EPHB4: variants seen among roughly 807,000 people sequenced by gnomAD.
EPHB4 encodes the protein ephrin type-B receptor 4.
Under a neutral mutation model 110.6 loss-of-function variants are expected in EPHB4, and 50 were observed. That is an observed-to-expected ratio of 0.45 (90% CI 0.36 to 0.57). The LOEUF is 0.57. EPHB4 is among the 20% of genes least tolerant of loss of function. EPHB4 has a pLI of 0.00. For missense variants in EPHB4, 1,128 were observed against 1,382.1 expected (o/e 0.82, Z 2.91); for synonymous variants, 592 against 578.4 (o/e 1.02, Z -0.34).
chr7:100,813,269 G>A (rs997380495), intron 10 of EPHB4, 61 bp from the exon 11 acceptor site: 28 of 1,364,770 alleles, frequency 2.1e-5, no homozygotes, highest in Non-Finnish European at 6.1e-6. Flanking sequence ...TCGGAGGCTC[G>A]GCTCATAGCT....
chr7:100,824,098 TG>T (rs1813312507), intron 2 of EPHB4, 104 bp downstream of exon 2: 3 of 1,556,900 alleles, frequency 1.9e-6, no homozygotes, highest in Admixed American at 1.7e-5. Flanking sequence ...TGCTGTCATC[TG>T]GGGGGACAGG....
Position 100,819,774 on chromosome 7 carries a change from G to A in EPHB4, c.1080C>T (p.Arg360=). The A allele has an allele frequency of 6.3e-7, 1 of 1,590,094 alleles. No individual in the cohort carries two copies. Among genetic ancestry groups the A allele is most frequent in the South Asian group, 1.1e-5 (1 of 88,826 alleles). Residue 360 remains arginine, a synonymous_variant, in exon 6 of 17, where the codon CGC becomes CGT. Transcript: ENST00000358173. ...AGCCTCCGGGTCGGCACTCCCGGCA[G>A]CGGAGGGCGTAGGTGAGGTCCTCTC... ...GGREDLTYAL[R]CRECRPGGSC... is the part of the protein sequence containing the mutation.
chr7:100,807,435 T>C lies in EPHB4; in HGVS notation c.2264A>G (p.Lys755Arg). 4 of 1,613,452 alleles carry C rather than the reference T, an allele frequency of 2.5e-6. No individual in the cohort carries two copies. The highest frequency in any genetic ancestry group is 3.4e-6 in the Non-Finnish European group (4 of 1,179,968). The change falls in exon 13 of 17, where the codon AAA (lysine) becomes AGA (arginine). Residue 755 changes from lysine to arginine, a missense_variant. By Grantham distance (26) the Lys-to-Arg change is conservative (BLOSUM62 2). Around this residue, in one of 3 missense-constraint regions of EPHB4, gnomAD observed 191 missense variants for 313.0 expected, o/e 0.61. Coordinates refer to ENST00000358173, the MANE Select transcript of EPHB4 (RefSeq NM_004444.5). ...NILVNSNLVC[K>R]VSDFGLSRFL... ...TCGGGAAAGGCCAAAGTCAGACACT[T>C]TGCAGACGAGGTTGCTGTTGACTAG...
intron 1 of EPHB4, 158 bp downstream of exon 1, chr7:100,826,821 C>G (rs1813410566): frequency 1.4e-6 from 1 of 720,872 alleles, no homozygotes; most frequent in Non-Finnish European, 2.1e-6. Flanking sequence ...GCCTCTTCCC[C>G]GCCCCCCTCC....
intron 13 of EPHB4, among the ~76,000 whole-genome samples, chr7:100,807,136 A>G (rs1812834319): frequency 2.6e-5 from 4 of 151,814 alleles, no homozygotes; most frequent in African/African-American, 9.7e-5. Flanking sequence ...CTAATCTTTT[A>G]ATTTTTTTGT....
chr7:100,818,675 G>A, intron 6 of EPHB4, 31 bp from the exon 7 acceptor site: 2 of 1,598,514 alleles, frequency 1.3e-6, no homozygotes, highest in Non-Finnish European at 1.7e-6. Context: ...GGGAACCCTT[G>A]TGCATGGTAG....
At chr7:100,826,806 C>T (rs1195309331) in intron 1 of EPHB4, 173 bp downstream of exon 1, 4 of 648,044 alleles carry the variant, frequency 6.2e-6, no homozygotes, top group Non-Finnish European at 7.5e-6. Flanking sequence ...CACTACCCGT[C>T]GGGCGCCTCT....
intron 16 of EPHB4, among the ~76,000 whole-genome samples, chr7:100,804,208 C>T (rs1012455912): frequency 6.7e-6 from 1 of 149,560 alleles, no homozygotes; most frequent in African/African-American, 2.5e-5. Context: ...GCTATTTTGG[C>T]CAGGCTGCTC....
chr7:100,819,101 CCT>C (rs943631433), intron 6 of EPHB4, among the ~76,000 whole-genome samples: 1 of 151,886 alleles, frequency 6.6e-6, no homozygotes, highest in Non-Finnish European at 1.5e-5. Context: ...AGCTCCTCAC[CCT>C]CTCTTTCTTA....
In EPHB4 at chr7:100,826,968, A is replaced by T; in HGVS notation, c.52+11T>A. The stretch of plus-strand genomic sequence containing the variant: ...GTGACGGGGTGCGCCCCCCCCCGCA[A>T]GGAAACTCACCTTCCAAAGCTGCGG... On this transcript the variant is annotated intron_variant, in intron 1 of 16. Coordinates refer to ENST00000358173, the MANE Select transcript of EPHB4 (RefSeq NM_004444.5). 1 of 1,521,364 alleles carries T rather than the reference A, an allele frequency of 6.6e-7. No individual in the cohort carries two copies. The highest frequency in any genetic ancestry group is 1.2e-5 in the South Asian group (1 of 83,902). The allele number at this position is 1,521,364 out of a possible 1,614,324, so 94.2% of individuals were successfully genotyped here.
chr7:100,826,256 T>G (rs897884256), intron 1 of EPHB4, among the ~76,000 whole-genome samples: 3 of 152,004 alleles, frequency 2.0e-5, no homozygotes, highest in Non-Finnish European at 4.4e-5. Flanking sequence ...GTTAGGGCGA[T>G]GTGGGGGCTG....
chr7:100,804,694 A>AC (rs1199771769), intron 16 of EPHB4, among the ~76,000 whole-genome samples: 1 of 152,080 alleles, frequency 6.6e-6, no homozygotes, highest in East Asian at 1.9e-4. Flanking sequence ...GAAGGCAGAA[A>AC]GGGGGAGTAG....
At chr7:100,805,369 G>C (rs371580054) in intron 15 of EPHB4, 48 bp from the exon 16 acceptor site, 2 of 1,608,558 alleles carry the variant, frequency 1.2e-6, no homozygotes, top group Non-Finnish European at 1.7e-6. Context: ...GCCCAGGTCC[G>C]GGGGAGGAGG....
chr7:100,816,162 T>C (rs1813062121), intron 8 of EPHB4, among the ~76,000 whole-genome samples: 1 of 147,092 alleles, frequency 6.8e-6, no homozygotes, highest in Admixed American at 6.7e-5. Flanking sequence ...TGAGACTCCG[T>C]CTCAAAAAAA....
intron 3 of EPHB4, 121 bp downstream of exon 3, chr7:100,823,523 C>T: frequency 7.6e-7 from 1 of 1,321,682 alleles, no homozygotes; most frequent in Non-Finnish European, 1.0e-6. Flanking sequence ...AAGCCTCCTG[C>T]TTCCAGCCCC....
rs1247801167 is a variant in EPHB4, at chr7:100,823,939, GAGA to G, written c.124-11_124-9del. ...GCCGCTCAGTTCCTCCCACTGTGCA[GAGA>G]AGGAGGTCAGCAAGGGGGCTGGGGA... On this transcript the variant is annotated splice_polypyrimidine_tract_variant and intron_variant, in intron 2 of 16. Transcript: ENST00000358173. The G allele has an allele frequency of 1.9e-6, 3 of 1,571,188 alleles. No homozygotes were observed. The highest frequency in any genetic ancestry group is 2.6e-6 in the Non-Finnish European group (3 of 1,156,794).
chr7:100,822,378 C>A lies in EPHB4; in HGVS notation c.701G>T (p.Ser234Ile). Residue 234 changes from serine to isoleucine, a missense_variant, in exon 4 of 17, where the codon AGC becomes ATC. Ser to Ile is a moderately radical substitution (Grantham distance 142). Around this residue, in one of 3 missense-constraint regions of EPHB4, gnomAD observed 728 missense variants for 828.6 expected, o/e 0.88. Transcript: ENST00000358173. The surrounding 1 kb of genome is among the most constrained non-coding windows in gnomAD (Gnocchi z 4.7). ...ATCCTCACGGCAGTAGAGGCTGGGG[C>A]TGGGGCCAGGGGCGGGGACGGCATC... Reference protein sequence around the residue: ...VVDAVPAPGPSPSLYCREDGQ... With the variant: ...VVDAVPAPGPIPSLYCREDGQ... 5.7e-6 allele frequency: 9 copies of A among 1,573,160 alleles called. No individual in the cohort carries two copies. The highest frequency in any genetic ancestry group is 7.8e-6 in the Non-Finnish European group (9 of 1,158,394).
intron 8 of EPHB4, among the ~76,000 whole-genome samples, chr7:100,816,711 G>A (rs1407253373): frequency 1.3e-5 from 2 of 152,044 alleles, no homozygotes; most frequent in African/African-American, 4.8e-5. Context: ...ACAAAACTCA[G>A]CTGTTGGTTT....
intron 12 of EPHB4, among the ~76,000 whole-genome samples, chr7:100,810,941 G>GTT (rs1182947110): frequency 6.6e-6 from 1 of 151,674 alleles, no homozygotes; most frequent in South Asian, 2.1e-4. Flanking sequence ...ATAGAAAAAT[G>GTT]TTTTGATTTT....
Sources: gnomAD v4.1 joint callset for allele counts (sites outside exome capture counted in the v4.1 genomes callset) on GRCh38, gnomAD v4.1.1 for gene constraint, gnomAD v4.1.1 regional missense constraint, Gnocchi (gnomAD v3.1) non-coding constraint, MANE v1.5 for transcripts, NCBI Gene and HGNC (gene_info 2026-07-23, HGNC 2026-07-21) for gene names.